DUSP15: variants seen among roughly 807,000 people sequenced by gnomAD.
The protein encoded by DUSP15 is dual specificity protein phosphatase 15.
Under a neutral mutation model 26.3 loss-of-function variants are expected in DUSP15, and 23 were observed. That is an observed-to-expected ratio of 0.87 (90% CI 0.63 to 1.24). The LOEUF (loss-of-function observed/expected upper bound fraction) is 1.24, where lower values mean the gene tolerates loss of function less well. Ranked by LOEUF, DUSP15 falls within the 50% of genes most tolerant of loss-of-function variation. The pLI, the probability that DUSP15 is intolerant of heterozygous loss-of-function variation, is 0.00. For synonymous variants in DUSP15, 143 were observed against 135.5 expected (o/e 1.06, Z -0.39); for missense variants, 364 against 320.6 (o/e 1.14, Z -1.03).
At chr20:31,853,849 C>T (rs1261225101) in intron 6 of DUSP15, among the ~76,000 whole-genome samples, 2 of 152,212 alleles carry the variant, frequency 1.3e-5, no homozygotes, top group South Asian at 2.1e-4. Context: ...AGTGATCCTC[C>T]CACCTCGGCC....
intron 2 of DUSP15, among the ~76,000 whole-genome samples, chr20:31,869,267 C>T (rs1036173381): frequency 6.6e-6 from 1 of 152,142 alleles, no homozygotes; most frequent in Non-Finnish European, 1.5e-5. Flanking sequence ...ACAGCCCAGG[C>T]CCCGAGCCCT....
chr20:31,870,127 G>A lies in DUSP15; in HGVS notation c.21+190C>T. The A allele has an allele frequency of 8.1e-7, 1 of 1,238,776 alleles. No individual in the cohort carries two copies. The allele number at this position is 1,238,776 out of a possible 1,614,324, so 76.7% of individuals were successfully genotyped here. A position where few individuals can be genotyped will look rare whatever the true frequency, so the allele number is the denominator to read the frequency against. ...TCACGGAGAGAGGGCGGACACAGCGGGGACAGAGACGCAGGGTCAGAGAGG... is the reference window on the plus strand; with the variant it reads ...TCACGGAGAGAGGGCGGACACAGCGAGGACAGAGACGCAGGGTCAGAGAGG... On this transcript the variant is annotated intron_variant, in intron 1 of 6. Coordinates refer to ENST00000339738, the MANE Select transcript of DUSP15 (RefSeq NM_080611.5). This position sits in a 1 kb window ranked among gnomAD's most constrained non-coding sequence, Gnocchi z 6.6.
Position 31,861,399 on chromosome 20 carries a change from A to T in DUSP15, c.*4T>A. 1 of 1,549,698 alleles carries T rather than the reference A, an allele frequency of 6.5e-7. No individual in the cohort carries two copies. Among genetic ancestry groups the T allele is most frequent in the Non-Finnish European group, 8.6e-7 (1 of 1,158,414 alleles). On this transcript the variant is annotated 3_prime_UTR_variant, in exon 7 of 7. Coordinates refer to ENST00000339738, the MANE Select transcript of DUSP15 (RefSeq NM_080611.5). ...AAGTGGGGAGCCACGGCTGGACTGC[A>T]TCCTCACTTGCCGCCCTTGCGGGAC...
intron 2 of DUSP15, among the ~76,000 whole-genome samples, chr20:31,867,631 G>GTTTTGTTTTTTTTTTTTTTTTT (rs2062797175): frequency 5.2e-5 from 4 of 77,652 alleles, no homozygotes; most frequent in African/African-American, 2.2e-4. Context: ...TGCCCACAAT[G>GTTTTGTTTTTTTTTTTTTTTTT]TTTTTTTTTT....
rs537588010 is a variant in DUSP15 at position 31,870,058 on chromosome 20, C to A, written c.21+259G>T. The stretch of plus-strand genomic sequence containing the variant: ...GAGAGCAGGACTCACTGGGAGACAG[C>A]CTGGGAGTGACAGCCACAGCAAGAC... On this transcript the variant is annotated intron_variant, in intron 1 of 6. Transcript: ENST00000339738. The surrounding 1 kb of genome is among the most constrained non-coding windows in gnomAD (Gnocchi z 6.6). 16 of 1,267,218 alleles carry A rather than the reference C, an allele frequency of 1.3e-5. No individual in the cohort carries two copies. The highest frequency in any genetic ancestry group is 1.2e-4 in the East Asian group (4 of 32,722). 78.5% of individuals were successfully genotyped at this position (1,267,218 alleles called of 1,614,324 possible).
At chr20:31,866,492 G>A (rs949322921) in intron 3 of DUSP15, among the ~76,000 whole-genome samples, 1 of 152,196 alleles carries the variant, frequency 6.6e-6, no homozygotes, top group Non-Finnish European at 1.5e-5. Flanking sequence ...AGCACGTGTA[G>A]TCTGGATTTA....
At chr20:31,861,786 C>G (rs1044470090) in intron 6 of DUSP15, 111 bp from the exon 7 acceptor site, 50 of 844,930 alleles carry the variant, frequency 5.9e-5, no homozygotes, top group Admixed American at 2.1e-4. Flanking sequence ...GCGTCCCACA[C>G]CTCGCTGAGC....
At position 31,848,115 on chromosome 20, in the gene DUSP15, T is replaced by C. The variant is rs577864622; in HGVS notation, c.*289A>G. 5.1e-4 allele frequency: 215 copies of C among 421,542 alleles called. 1 individual carries two copies. The highest frequency in any genetic ancestry group is 3.3e-4 in the Non-Finnish European group (78 of 237,564). The allele number at this position is 421,542 out of a possible 1,614,324, so 26.1% of individuals were successfully genotyped here. On this transcript the variant is annotated 3_prime_UTR_variant, in exon 10 of 10. Transcript: ENST00000278979. ...AAGGCTGGCTCTGAGGAAAGCGCTA[T>C]TGACAAATTGGGCTGTCAGCAAGAG...
chr20:31,860,143 G>A (rs79322987), downstream of DUSP15, among the ~76,000 whole-genome samples: 8,449 of 152,278 alleles, frequency 0.055, 248 homozygotes, highest in Middle Eastern at 0.13. Context: ...CCAGGGCCGA[G>A]CACAATGGCT....
chr20:31,850,584 C>T (rs530664456), intron 7 of DUSP15: 26 of 1,600,014 alleles, frequency 1.6e-5, no homozygotes, highest in African/African-American at 6.7e-5. Flanking sequence ...GCACACTGGT[C>T]GGAGGGGAGG....
chr20:31,860,351 C>T (rs1000724816), downstream of DUSP15, among the ~76,000 whole-genome samples: 20 of 152,170 alleles, frequency 1.3e-4, no homozygotes, highest in African/African-American at 3.6e-4. Flanking sequence ...ATTTTCGATC[C>T]CTCTCAACTT....
chr20:31,862,549 C>T (rs2123261296), intron 6 of DUSP15, 22 bp downstream of exon 6: 1 of 1,575,926 alleles, frequency 6.3e-7, no homozygotes, highest in Non-Finnish European at 8.6e-7. Context: ...TGGCCCAACC[C>T]AGCCCTTGAC....
At chr20:31,867,190 C>G in intron 2 of DUSP15, 37 bp from the exon 3 acceptor site, 1 of 1,550,944 alleles carries the variant, frequency 6.4e-7, no homozygotes, top group African/African-American at 1.4e-5. Flanking sequence ...ATCTGGCTGG[C>G]GGGATGTCCT....
At chr20:31,866,443 G>T (rs1417401744) in intron 3 of DUSP15, among the ~76,000 whole-genome samples, 1 of 152,198 alleles carries the variant, frequency 6.6e-6, no homozygotes. Context: ...TGTCCCCAAG[G>T]TCATAGAGCA....
At chr20:31,849,878 TG>T in intron 7 of DUSP15, 2 of 1,492,234 alleles carry the variant, frequency 1.3e-6, no homozygotes, top group Admixed American at 2.3e-5. Context: ...CAGCAGGCTG[TG>T]GGGCGAGAGA....
At chr20:31,868,904 G>A (rs1392719790) in intron 2 of DUSP15, among the ~76,000 whole-genome samples, 1 of 152,212 alleles carries the variant, frequency 6.6e-6, no homozygotes, top group Non-Finnish European at 1.5e-5. Flanking sequence ...CCCTCCTCCT[G>A]ACTGAAGATT....
In DUSP15 at chr20:31,870,367, C is replaced by G; in HGVS notation, c.-30G>C. ...CCGGGGGCGGCGGTCCGGGTGCACC[C>G]CCAGCTCGCCGCCCGGGAAGCGATC... On this transcript the variant is annotated 5_prime_UTR_variant, in exon 1 of 7. Transcript: ENST00000339738. The surrounding 1 kb of genome is among the most constrained non-coding windows in gnomAD (Gnocchi z 6.6). 1 of 1,280,286 alleles carries G rather than the reference C, an allele frequency of 7.8e-7. No homozygotes were observed. Among genetic ancestry groups the G allele is most frequent in the Non-Finnish European group, 9.9e-7 (1 of 1,014,146 alleles). 79.3% of individuals were successfully genotyped at this position (1,280,286 alleles called of 1,614,324 possible).
chr20:31,853,989 A>G (rs945094575), intron 6 of DUSP15, among the ~76,000 whole-genome samples: 2 of 151,930 alleles, frequency 1.3e-5, no homozygotes, highest in Non-Finnish European at 2.9e-5. Flanking sequence ...AGCCTGATGA[A>G]CAGCTGGGGA....
At chr20:31,862,832 C>A (rs1314426256) in intron 5 of DUSP15, 90 bp from the exon 6 acceptor site, 20 of 1,357,332 alleles carry the variant, frequency 1.5e-5, no homozygotes, top group Non-Finnish European at 1.9e-5. Context: ...CTCCCCCACC[C>A]TTGCCTCCTG....
Sources: allele counts gnomAD v4.1 joint callset (sites outside exome capture counted in the v4.1 genomes callset), GRCh38; gene constraint gnomAD v4.1.1; non-coding constraint Gnocchi (gnomAD v3.1); transcripts MANE v1.5; gene names NCBI Gene and HGNC (gene_info 2026-07-23, HGNC 2026-07-21).